Variants in DOCK5 observed in about 807,000 individuals in gnomAD.
DOCK5 encodes dedicator of cytokinesis 5.
Under a neutral mutation model 251.8 loss-of-function variants are expected in DOCK5, and 142 were observed. The observed-to-expected ratio is 0.56, with a 90% CI of 0.49 to 0.65. The LOEUF (loss-of-function observed/expected upper bound fraction) is 0.65, where lower values mean the gene tolerates loss of function less well. DOCK5 is among the 30% of genes least tolerant of loss of function. The probability of loss-of-function intolerance (pLI) is 0.00; values close to 1 mark genes in which losing one functional copy is unlikely to be tolerated. For missense variants in DOCK5, 2,111 were observed against 2,312.3 expected (o/e 0.91, Z 1.79); for synonymous variants, 842 against 835.5 (o/e 1.01, Z -0.13).
At chr8:25,360,085 G>A (rs1046336986) in intron 28 of DOCK5, among the ~76,000 whole-genome samples, 2 of 152,208 alleles carry the variant, frequency 1.3e-5, no homozygotes, top group Non-Finnish European at 2.9e-5. Flanking sequence ...TCATCTGTGC[G>A]TACTCCAGTC....
At chr8:25,238,150 G>C (rs1802849005) in intron 1 of DOCK5, among the ~76,000 whole-genome samples, 2 of 152,184 alleles carry the variant, frequency 1.3e-5, no homozygotes, top group African/African-American at 4.8e-5. Context: ...TTGGGAAGTA[G>C]GATGGTCATT....
At chr8:25,363,310 C>A (rs779616611) in intron 29 of DOCK5, among the ~76,000 whole-genome samples, 169 bp downstream of exon 29, 4 of 152,166 alleles carry the variant, frequency 2.6e-5, no homozygotes, top group African/African-American at 9.7e-5. Flanking sequence ...TTGATTTTCC[C>A]AGGGTAATTG....
Position 25,211,487 on chromosome 8 carries a change from G to A in DOCK5, c.43+26536G>A, listed in dbSNP as rs1802121319. On this transcript the variant is annotated intron_variant, in intron 1 of 51. Coordinates refer to ENST00000276440, the MANE Select transcript of DOCK5 (RefSeq NM_024940.8). The stretch of plus-strand genomic sequence containing the variant: ...GCAAGCATTTGACTTGCGTCTTAAA[G>A]AAGGTTTACGATTTCTGAAATATAA... Among the ~76,000 whole-genome samples the A allele has an allele frequency of 2.8e-5, 2 of 71,348 alleles. 1 individual carries two copies. The highest frequency in any genetic ancestry group is 3.1e-4 in the Admixed American group (2 of 6,404). 46.8% of individuals were successfully genotyped at this position (71,348 alleles called of 152,430 possible). A position where few individuals can be genotyped will look rare whatever the true frequency, so the allele number is the denominator to read the frequency against.
chr8:25,373,589 G>A (rs762511281), intron 35 of DOCK5, 29 bp from the exon 36 acceptor site: 1 of 1,558,550 alleles, frequency 6.4e-7, no homozygotes, highest in Non-Finnish European at 8.7e-7. Flanking sequence ...TTTATGTTGG[G>A]ATTCTGTGAT....
In DOCK5 at chr8:25,408,733, T is replaced by C. The variant is rs559038276; in HGVS notation, c.5266-69T>C. The C allele has an allele frequency of 4.5e-5, 71 of 1,576,038 alleles. 3 individuals carry two copies. The South Asian group carries it at 8.0e-4, about 18-fold the overall frequency. On this transcript the variant is annotated intron_variant, in intron 49 of 51. Transcript: ENST00000276440. Reference sequence around the variant, plus strand: ...CAAGTGTCTTCTCAGAAGACAAGGCTGTTGAGAGCATTGTTGAGCTCAGCC... The same window carrying C: ...CAAGTGTCTTCTCAGAAGACAAGGCCGTTGAGAGCATTGTTGAGCTCAGCC...
intron 38 of DOCK5, among the ~76,000 whole-genome samples, chr8:25,377,794 G>A (rs142917993): frequency 1.3e-4 from 20 of 152,320 alleles, no homozygotes; most frequent in South Asian, 2.1e-4. Context: ...AATCTCAAGC[G>A]TGGGGCTTCT....
chr8:25,380,895 ATT>A (rs1197089965), intron 39 of DOCK5, among the ~76,000 whole-genome samples: 4 of 151,562 alleles, frequency 2.6e-5, no homozygotes, highest in African/African-American at 7.3e-5. Flanking sequence ...AGGCAGCACC[ATT>A]CCGAATGCCC....
intron 18 of DOCK5, among the ~76,000 whole-genome samples, chr8:25,331,116 A>G (rs1395324476): frequency 6.6e-6 from 1 of 152,064 alleles, no homozygotes; most frequent in East Asian, 1.9e-4. Context: ...CTCAAAGAAA[A>G]AAAAAGTATG....
In DOCK5 at chr8:25,341,789, AT is replaced by A; in HGVS notation, c.2493del (p.Phe831LeufsTer30). On this transcript the variant is annotated frameshift_variant, in exon 24 of 52. Transcript: ENST00000276440. LOFTEE classifies it high-confidence loss of function. Reference sequence around the variant, plus strand: ...GCATAATTAATGATGTCAAACTTGTATTTGATCCTGTTGAGCTCAGGTAAAT... The same window carrying A: ...GCATAATTAATGATGTCAAACTTGTATTGATCCTGTTGAGCTCAGGTAAAT... ...PSIINDVKLV[F>X]DPVELSVLFC... 6.4e-7 allele frequency: 1 copy of A among 1,572,872 alleles called. No individual in the cohort carries two copies.
At chr8:25,320,191 G>T (rs557057583) in intron 15 of DOCK5, among the ~76,000 whole-genome samples, 85 of 152,242 alleles carry the variant, frequency 5.6e-4, no homozygotes, top group African/African-American at 2.0e-3. Flanking sequence ...AGAGCTGACT[G>T]GTATCAGGGC....
chr8:25,401,879 C>A (rs906367461), intron 47 of DOCK5, among the ~76,000 whole-genome samples: 1 of 152,110 alleles, frequency 6.6e-6, no homozygotes, highest in African/African-American at 2.4e-5. Flanking sequence ...ACAGTTTTCA[C>A]GCCTTTGAAG....
chr8:25,238,407 G>A (rs1359491144), intron 1 of DOCK5, among the ~76,000 whole-genome samples: 2 of 152,186 alleles, frequency 1.3e-5, no homozygotes, highest in African/African-American at 4.8e-5. Context: ...GGAAATGTGA[G>A]GTATATTATG....
chr8:25,288,138 G>A (rs904108027), intron 5 of DOCK5, among the ~76,000 whole-genome samples: 5 of 151,980 alleles, frequency 3.3e-5, no homozygotes, highest in Non-Finnish European at 5.9e-5. Flanking sequence ...CACCTGCCTC[G>A]GCCTCCCAAA....
intron 7 of DOCK5, 106 bp from the exon 8 acceptor site, chr8:25,298,838 A>T: frequency 7.8e-7 from 1 of 1,286,088 alleles, no homozygotes; most frequent in South Asian, 1.6e-5. Flanking sequence ...CACTGTGCCC[A>T]GGCTTTGTCT....
At chr8:25,286,042 C>A (rs1586295463) in intron 5 of DOCK5, among the ~76,000 whole-genome samples, 2 of 152,088 alleles carry the variant, frequency 1.3e-5, no homozygotes, top group Non-Finnish European at 2.9e-5. Flanking sequence ...AAAATCAGAC[C>A]TTTGCTGGTC....
chr8:25,285,588 G>T (rs1415666072), intron 5 of DOCK5, among the ~76,000 whole-genome samples: 2 of 152,218 alleles, frequency 1.3e-5, no homozygotes, highest in East Asian at 3.8e-4. Flanking sequence ...TAACTGGGAA[G>T]AGGGGGTAGG....
At chr8:25,379,757 C>T (rs1253235984) in intron 38 of DOCK5, among the ~76,000 whole-genome samples, 16 of 152,164 alleles carry the variant, frequency 1.1e-4, no homozygotes, top group Admixed American at 5.2e-4. Context: ...CAGCTCCAGC[C>T]GGTCCCTCCA....
intron 1 of DOCK5, among the ~76,000 whole-genome samples, chr8:25,189,317 C>T (rs1195560109): frequency 6.6e-6 from 1 of 151,996 alleles, no homozygotes; most frequent in Admixed American, 6.6e-5. Context: ...CTTAAGCCTC[C>T]CATGTTGCTA....
At chr8:25,377,545 C>A in intron 38 of DOCK5, 121 bp downstream of exon 38, 1 of 1,257,182 alleles carries the variant, frequency 8.0e-7, no homozygotes, top group Non-Finnish European at 1.1e-6. Context: ...GCACTGTCTC[C>A]AACGAGACTG....
Sources: allele counts gnomAD v4.1 joint callset (sites outside exome capture counted in the v4.1 genomes callset), GRCh38; gene constraint gnomAD v4.1.1; transcripts MANE v1.5; gene names NCBI Gene and HGNC (gene_info 2026-07-23, HGNC 2026-07-21).